The following RTCB variants were observed in gnomAD, a reference collection of about 807,000 sequenced individuals.
RTCB encodes RNA 2',3'-cyclic phosphate and 5'-OH ligase.
A neutral mutation model predicts 58.2 loss-of-function variants in RTCB; 32 were observed. The ratio of observed to expected loss-of-function variants is 0.55; its 90% CI spans 0.41 to 0.74. The LOEUF (loss-of-function observed/expected upper bound fraction) is 0.74, where lower values mean the gene tolerates loss of function less well. Among genes scored for constraint, RTCB ranks in the 30% least tolerant of loss-of-function variants. The probability of loss-of-function intolerance (pLI) is 0.00; values close to 1 mark genes in which losing one functional copy is unlikely to be tolerated. For missense variants in RTCB, 523 were observed against 639.0 expected (o/e 0.82, Z 1.96); for synonymous variants, 247 against 218.6 (o/e 1.13, Z -1.15).
chr22:32,402,279 A>C (rs1044805286), intron 4 of RTCB, among the ~76,000 whole-genome samples: 1 of 152,014 alleles, frequency 6.6e-6, no homozygotes, highest in Non-Finnish European at 1.5e-5. Context: ...CCATTTCACT[A>C]ATTTTACTCC....
Position 32,396,205 on chromosome 22 carries a change from TA to T in RTCB, c.858del (p.Ile287Ter), listed in dbSNP as rs1569441028. On this transcript the variant is annotated frameshift_variant, in exon 8 of 12. Coordinates refer to ENST00000216038, the MANE Select transcript of RTCB (RefSeq NM_014306.5). LOFTEE classifies it high-confidence loss of function. ...CAAGCCAACTGCCGATCATTGACTA[TA>T]ATCTTGTCTCTCTTCATGGCCTTCT... Reference protein sequence around the residue: ...AMEKAMKRDKIIVNDRQLACA... With the variant: ...AMEKAMKRDKXIVNDRQLACA... 6.2e-7 allele frequency: 1 copy of T among 1,614,230 alleles called. No individual in the cohort carries two copies. Among genetic ancestry groups the T allele is most frequent in the Non-Finnish European group, 8.5e-7 (1 of 1,180,038 alleles).
intron 4 of RTCB, among the ~76,000 whole-genome samples, chr22:32,404,641 A>T (rs1033185297): frequency 2.0e-5 from 3 of 152,096 alleles, no homozygotes; most frequent in Non-Finnish European, 4.4e-5. Context: ...TTCTGGTCTC[A>T]TGTGATCCTC....
rs151238474 is a variant in RTCB, at chr22:32,392,644, T to G, written c.1291-285A>C. The G allele has an allele frequency of 2.8e-3, 1,352 of 484,576 alleles. 35 individuals are homozygous for G. In the East Asian group the frequency reaches 0.046, roughly 16 times the overall value. 30.0% of individuals were successfully genotyped at this position (484,576 alleles called of 1,614,324 possible). On this transcript the variant is annotated intron_variant, in intron 10 of 11. Transcript: ENST00000216038. Reference sequence around the variant, plus strand: ...GCCAATAGCAACTCCCACTAAACCATGACAATAAAAAAAGCCTCCAGAAAT... The same window carrying G: ...GCCAATAGCAACTCCCACTAAACCAGGACAATAAAAAAAGCCTCCAGAAAT...
At position 32,394,393 on chromosome 22, in the gene RTCB, A is replaced by G. The variant is rs11089562; in HGVS notation, c.1180-391T>C. ...CCGAAAGTGCTGGGATTACAGGCGT[A>G]AGCCACCACACCCGGCCGGAGAAAC... On this transcript the variant is annotated intron_variant, in intron 9 of 11. Transcript: ENST00000216038. Among the ~76,000 whole-genome samples, 1,323 of 152,094 alleles carry G rather than the reference A, an allele frequency of 8.7e-3. 10 individuals are homozygous for G. The highest frequency in any genetic ancestry group is 0.023 in the East Asian group (121 of 5,154).
At chr22:32,388,244 A>T (rs1459028245) in intron 11 of RTCB, 145 bp from the exon 12 acceptor site, 10 of 584,514 alleles carry the variant, frequency 1.7e-5, no homozygotes, top group Middle Eastern at 8.8e-4. Context: ...AAAATTTAAA[A>T]AAGAAGTAAG....
rs991977233 is a variant in RTCB at position 32,394,055 on chromosome 22, TTATGCA to T, written c.1180-59_1180-54del. The T allele has an allele frequency of 1.3e-5, 16 of 1,258,100 alleles. No individual in the cohort carries two copies. In the African/African-American group the frequency reaches 2.4e-4, roughly 19 times the overall value. The allele number at this position is 1,258,100 out of a possible 1,614,324, so 77.9% of individuals were successfully genotyped here. ...TAAAATTCAGAAAAACATAGGCTTTTTATGCATAAAATTTAAATTTTCTCTTGCACT... is the reference window on the plus strand; with the variant it reads ...TAAAATTCAGAAAAACATAGGCTTTTTAAAATTTAAATTTTCTCTTGCACT... On this transcript the variant is annotated intron_variant, in intron 9 of 11. Transcript: ENST00000216038.
intron 1 of RTCB, among the ~76,000 whole-genome samples, chr22:32,411,084 C>T (rs924645918): frequency 2.6e-5 from 4 of 152,138 alleles, no homozygotes; most frequent in Non-Finnish European, 5.9e-5. Context: ...GCAAACAGAA[C>T]ACAGATTTAT....
chr22:32,412,209 C>A lies in RTCB; in HGVS notation c.-53G>T. 6.9e-7 allele frequency: 1 copy of A among 1,454,596 alleles called. No homozygotes were observed. Among genetic ancestry groups the A allele is most frequent in the Non-Finnish European group, 9.4e-7 (1 of 1,060,362 alleles). 90.1% of individuals were successfully genotyped at this position (1,454,596 alleles called of 1,614,324 possible). ...CGGCTCCGCTTTGAAGAGCCGCTGC[C>A]GCGTAGTCCGGCTTCTCAGAGCACC... On this transcript the variant is annotated 5_prime_UTR_variant, in exon 1 of 12. Transcript: ENST00000216038.
intron 3 of RTCB, chr22:32,407,939 T>C (rs1420197957): frequency 2.2e-5 from 11 of 502,586 alleles, no homozygotes; most frequent in Non-Finnish European, 4.0e-5. Context: ...TTTTTTGGTA[T>C]AGACAGGGTC....
intron 8 of RTCB, among the ~76,000 whole-genome samples, chr22:32,395,776 G>A (rs1417520453): frequency 6.6e-6 from 1 of 152,024 alleles, no homozygotes; most frequent in Non-Finnish European, 1.5e-5. Context: ...CTCACTGCAA[G>A]CTCCACTTTC....
chr22:32,387,930 T>C lies in RTCB; in HGVS notation c.*62A>G. ...CCTTGAGTCTGATGTCAGAAGAGCATGTCAGTCCACTTCCACTTCAGAGAG... is the reference window on the plus strand; with the variant it reads ...CCTTGAGTCTGATGTCAGAAGAGCACGTCAGTCCACTTCCACTTCAGAGAG... On this transcript the variant is annotated 3_prime_UTR_variant, in exon 12 of 12. Transcript: ENST00000216038. 2.8e-6 allele frequency: 3 copies of C among 1,090,876 alleles called. No individual in the cohort carries two copies. The highest frequency in any genetic ancestry group is 1.3e-5 in the South Asian group (1 of 78,712). The allele number at this position is 1,090,876 out of a possible 1,614,324, so 67.6% of individuals were successfully genotyped here.
intron 4 of RTCB, 21 bp downstream of exon 4, chr22:32,406,641 A>T (rs756029881): frequency 1.9e-6 from 3 of 1,544,202 alleles, no homozygotes; most frequent in Non-Finnish European, 2.7e-6. Context: ...ACTTAACAGC[A>T]GATGTCCACA....
At chr22:32,401,569 G>A in intron 5 of RTCB, 178 bp downstream of exon 5, 1 of 594,752 alleles carries the variant, frequency 1.7e-6, no homozygotes, top group Non-Finnish European at 2.8e-6. Context: ...TATAACATCG[G>A]TTGACTAATG....
intron 4 of RTCB, 82 bp downstream of exon 4, chr22:32,406,580 C>T: frequency 1.1e-6 from 1 of 921,554 alleles, no homozygotes. Context: ...CTCGGCCTCC[C>T]AAAGTGCTGG....
At chr22:32,402,718 G>C (rs1280159458) in intron 4 of RTCB, among the ~76,000 whole-genome samples, 1 of 151,758 alleles carries the variant, frequency 6.6e-6, no homozygotes, top group Non-Finnish European at 1.5e-5. Context: ...TAAAGTGCTG[G>C]GATTACAGGC....
At position 32,408,834 on chromosome 22, in the gene RTCB, CT is replaced by C. The variant is rs1237092372; in HGVS notation, c.94-2del. The C allele has an allele frequency of 1.6e-5, 26 of 1,611,908 alleles. No individual in the cohort carries two copies. Among genetic ancestry groups the C allele is most frequent in the Non-Finnish European group, 2.2e-5 (26 of 1,177,966 alleles). Reference sequence around the variant, plus strand: ...CATTCACATAGAAAACACCTTCAACCTAGTACCAAGGAAAGTGAAAAGCAAT... The same window carrying C: ...CATTCACATAGAAAACACCTTCAACCAGTACCAAGGAAAGTGAAAAGCAAT... On this transcript the variant is annotated splice_acceptor_variant, in intron 1 of 11. Transcript: ENST00000216038. LOFTEE classifies it high-confidence loss of function.
intron 11 of RTCB, among the ~76,000 whole-genome samples, 199 bp downstream of exon 11, chr22:32,392,041 C>T (rs16990376): frequency 0.076 from 11,560 of 151,968 alleles, 493 homozygotes; most frequent in African/African-American, 0.11. Flanking sequence ...GGACTTGGCT[C>T]GTAATTTTAA....
chr22:32,406,467 T>G (rs2145897698), intron 4 of RTCB, among the ~76,000 whole-genome samples, 195 bp downstream of exon 4: 1 of 152,078 alleles, frequency 6.6e-6, no homozygotes, highest in Admixed American at 6.5e-5. Context: ...GGAGTACAGG[T>G]GCGCGTCACC....
intron 8 of RTCB, 36 bp from the exon 9 acceptor site, chr22:32,395,250 C>A (rs767455690): frequency 3.0e-5 from 47 of 1,581,922 alleles, no homozygotes; most frequent in Non-Finnish European, 3.6e-5. Context: ...GCAGCCAGAA[C>A]TTCAGGACTT....
Sources: allele counts gnomAD v4.1 joint callset (sites outside exome capture counted in the v4.1 genomes callset), GRCh38; gene constraint gnomAD v4.1.1; transcripts MANE v1.5; gene names NCBI Gene and HGNC (gene_info 2026-07-23, HGNC 2026-07-21).